Variants in KCNT2 observed in about 807,000 individuals in gnomAD.
The protein encoded by KCNT2 is potassium sodium-activated channel subfamily T member 2.
A neutral mutation model predicts 153.8 loss-of-function variants in KCNT2; 67 were observed. The observed-to-expected ratio is 0.44, with a 90% confidence interval of 0.36 to 0.53. KCNT2 has a LOEUF of 0.53. KCNT2 is among the 20% of genes least tolerant of loss of function. The probability of loss-of-function intolerance (pLI) is 0.00; values close to 1 mark genes in which losing one functional copy is unlikely to be tolerated. For missense variants in KCNT2, 975 were observed against 1,354.8 expected (o/e 0.72, Z 4.40); for synonymous variants, 500 against 458.8 (o/e 1.09, Z -1.15).
At chr1:196,440,922 C>T (rs915830837) in intron 8 of KCNT2, among the ~76,000 whole-genome samples, 1 of 151,754 alleles carries the variant, frequency 6.6e-6, no homozygotes, top group Non-Finnish European at 1.5e-5. Flanking sequence ...CTTGAGAACT[C>T]CTGACAAAGT....
intron 14 of KCNT2, among the ~76,000 whole-genome samples, chr1:196,358,007 A>G (rs554735272): frequency 6.6e-6 from 1 of 151,534 alleles, no homozygotes; most frequent in Non-Finnish European, 1.5e-5. Context: ...TTTATTTATT[A>G]CGACTCACAC....
intron 26 of KCNT2, chr1:196,257,143 G>C: frequency 1.5e-6 from 1 of 683,620 alleles, no homozygotes; most frequent in African/African-American, 1.9e-5. Context: ...AAGGTAAAAT[G>C]AGATACCTAT....
At chr1:196,273,431 C>T in intron 25 of KCNT2, 5 of 1,425,398 alleles carry the variant, frequency 3.5e-6, no homozygotes, top group Non-Finnish European at 4.8e-6. Context: ...ATATATTACA[C>T]CATTTGAGGA....
intron 12 of KCNT2, among the ~76,000 whole-genome samples, chr1:196,408,802 T>A (rs1035274956): frequency 1.3e-5 from 2 of 151,648 alleles, no homozygotes; most frequent in African/African-American, 2.4e-5. Flanking sequence ...ATATGATGTA[T>A]CTCTGTGAAT....
At chr1:196,511,890 T>A (rs1439808870) in intron 1 of KCNT2, among the ~76,000 whole-genome samples, 1 of 152,178 alleles carries the variant, frequency 6.6e-6, no homozygotes, top group Non-Finnish European at 1.5e-5. Flanking sequence ...TAGGGGTAAG[T>A]GCTTCAACAT....
At chr1:196,576,222 C>T (rs927026549) in intron 1 of KCNT2, among the ~76,000 whole-genome samples, 4 of 151,702 alleles carry the variant, frequency 2.6e-5, no homozygotes, top group Non-Finnish European at 5.9e-5. Flanking sequence ...GGCTAGTAAA[C>T]ATAAAAAGAG....
At chr1:196,354,884 G>A (rs1302727871) in intron 14 of KCNT2, among the ~76,000 whole-genome samples, 1 of 151,406 alleles carries the variant, frequency 6.6e-6, no homozygotes, top group Non-Finnish European at 1.5e-5. Flanking sequence ...CACAATTATT[G>A]CAAACTTTAT....
intron 13 of KCNT2, among the ~76,000 whole-genome samples, chr1:196,388,203 C>T (rs1464748516): frequency 6.6e-6 from 1 of 151,652 alleles, no homozygotes; most frequent in African/African-American, 2.4e-5. Context: ...AACTTGGCAT[C>T]GTTGATGAAA....
intron 1 of KCNT2, among the ~76,000 whole-genome samples, chr1:196,587,787 T>C (rs1458557786): frequency 3.3e-5 from 5 of 152,056 alleles, no homozygotes; most frequent in Non-Finnish European, 7.4e-5. Context: ...TAGAATTAAA[T>C]TGACTACGCA....
intron 4 of KCNT2, among the ~76,000 whole-genome samples, chr1:196,480,934 A>T (rs933811226): frequency 6.6e-6 from 1 of 151,494 alleles, no homozygotes; most frequent in East Asian, 1.9e-4. Flanking sequence ...AGCAATTTGA[A>T]TAGATCAAAA....
At chr1:196,413,761 C>T (rs867109348) in intron 12 of KCNT2, among the ~76,000 whole-genome samples, 25 of 151,598 alleles carry the variant, frequency 1.6e-4, no homozygotes, top group African/African-American at 6.0e-4. Context: ...TACTGTTTTT[C>T]TAATAAAGAA....
chr1:196,333,589 G>T (rs1664701973), intron 17 of KCNT2, among the ~76,000 whole-genome samples: 1 of 151,868 alleles, frequency 6.6e-6, no homozygotes, highest in African/African-American at 2.4e-5. Flanking sequence ...TTTCCTTGAG[G>T]ATAAAAGATA....
chr1:196,540,155 T>C (rs1656157304), intron 1 of KCNT2, among the ~76,000 whole-genome samples: 1 of 152,156 alleles, frequency 6.6e-6, no homozygotes, highest in Admixed American at 6.5e-5. Flanking sequence ...TTAGTAGTTT[T>C]TAAGTCCAGA....
At chr1:196,352,083 G>A (rs112805811) in intron 14 of KCNT2, among the ~76,000 whole-genome samples, 16,216 of 152,156 alleles carry the variant, frequency 0.11, 1,232 homozygotes, top group African/African-American at 0.22. Context: ...TAAGCTTTTG[G>A]ATGTGTTGCT....
intron 22 of KCNT2, among the ~76,000 whole-genome samples, chr1:196,291,525 A>G (rs1660184191): frequency 6.6e-6 from 1 of 152,060 alleles, no homozygotes; most frequent in Non-Finnish European, 1.5e-5. Flanking sequence ...ATCATGCTGA[A>G]TTTACATATG....
intron 22 of KCNT2, among the ~76,000 whole-genome samples, chr1:196,289,480 G>A (rs1391130887): frequency 6.6e-6 from 1 of 152,010 alleles, no homozygotes; most frequent in Admixed American, 6.6e-5. Flanking sequence ...CATTTGATTG[G>A]AAAAATAAAT....
At chr1:196,465,874 AT>A (rs1557971844) in intron 7 of KCNT2, among the ~76,000 whole-genome samples, 1 of 151,986 alleles carries the variant, frequency 6.6e-6, no homozygotes, top group African/African-American at 2.4e-5. Context: ...CCAATAAACA[AT>A]TTTTTTCTAA....
chr1:196,307,424 A>G (rs974684295), intron 21 of KCNT2, among the ~76,000 whole-genome samples: 3 of 152,050 alleles, frequency 2.0e-5, no homozygotes, highest in African/African-American at 2.4e-5. Context: ...CATTCTCTCC[A>G]GTTTGGCTGC....
At chr1:196,477,732 T>C (rs1678664352) in intron 5 of KCNT2, among the ~76,000 whole-genome samples, 1 of 152,162 alleles carries the variant, frequency 6.6e-6, no homozygotes, top group Non-Finnish European at 1.5e-5. Flanking sequence ...CCAATGACTT[T>C]CTATCTTTTC....
Sources: allele counts gnomAD v4.1 joint callset (sites outside exome capture counted in the v4.1 genomes callset), GRCh38; gene constraint gnomAD v4.1.1; transcripts MANE v1.5; gene names NCBI Gene and HGNC (gene_info 2026-07-23, HGNC 2026-07-21).